ATL2: variants seen among roughly 807,000 people sequenced by gnomAD.
The protein encoded by ATL2 is atlastin-2.
Under a neutral mutation model 73.9 loss-of-function variants are expected in ATL2, and 31 were observed. The observed-to-expected ratio is 0.42, with a 90% CI of 0.32 to 0.57. The LOEUF (loss-of-function observed/expected upper bound fraction) is 0.57, where lower values mean the gene tolerates loss of function less well. Ranked by LOEUF, ATL2 falls within the 20% of genes least tolerant of loss-of-function variation. The pLI, the probability that ATL2 is intolerant of heterozygous loss-of-function variation, is 0.14. For synonymous variants in ATL2, 291 were observed against 237.5 expected, an observed-to-expected ratio of 1.23 and a Z score of -2.07; for missense variants, 738 against 702.6, an observed-to-expected ratio of 1.05 and a Z score of -0.57.
At chr2:38,354,236 T>C (rs146935739) in intron 1 of ATL2, 63 of 361,980 alleles carry the variant, frequency 1.7e-4, no homozygotes, top group African/African-American at 1.3e-3. Context: ...ACATGAGAGC[T>C]ATATAATGTT....
chr2:38,309,602 C>T (rs1667637819), intron 8 of ATL2, 96 bp from the exon 9 acceptor site: 2 of 1,234,734 alleles, frequency 1.6e-6, no homozygotes, highest in South Asian at 1.4e-5. Context: ...AATAAGAATA[C>T]ATAGTATCTA....
intron 1 of ATL2, among the ~76,000 whole-genome samples, chr2:38,365,470 C>G (rs542229703): frequency 5.4e-4 from 82 of 152,170 alleles, no homozygotes; most frequent in African/African-American, 2.0e-3. Context: ...GCCTTGGCAA[C>G]ATGGTGAAAC....
chr2:38,345,887 C>T (rs1558435390), intron 1 of ATL2, among the ~76,000 whole-genome samples: 1 of 152,194 alleles, frequency 6.6e-6, no homozygotes, highest in Non-Finnish European at 1.5e-5. Context: ...CATAGCATTA[C>T]CTAACTCATA....
intron 1 of ATL2, chr2:38,376,231 T>A (rs1671955859): frequency 3.4e-6 from 5 of 1,471,992 alleles, no homozygotes; most frequent in Non-Finnish European, 4.5e-6. Context: ...CAGTGAGAGA[T>A]CAAACGCTAA....
intron 9 of ATL2, among the ~76,000 whole-genome samples, chr2:38,305,683 C>T (rs1164600813): frequency 6.6e-6 from 1 of 151,786 alleles, no homozygotes; most frequent in Non-Finnish European, 1.5e-5. Flanking sequence ...TCTTGAATGA[C>T]CACTAGATCA....
At chr2:38,375,522 C>A (rs1671910021) in intron 1 of ATL2, among the ~76,000 whole-genome samples, 1 of 152,062 alleles carries the variant, frequency 6.6e-6, no homozygotes, top group South Asian at 2.1e-4. Context: ...CTCAAGATAC[C>A]ACAGCACAAC....
intron 9 of ATL2, among the ~76,000 whole-genome samples, chr2:38,303,771 G>C (rs1291670116): frequency 1.3e-5 from 2 of 152,122 alleles, no homozygotes; most frequent in East Asian, 3.9e-4. Flanking sequence ...AGAACACCAA[G>C]CAGACTTGAC....
In ATL2 at chr2:38,314,628, T is replaced by A; in HGVS notation, c.691A>T (p.Ile231Phe). The A allele has an allele frequency of 1.2e-6, 2 of 1,600,720 alleles. No homozygotes were observed. The highest frequency in any genetic ancestry group is 2.2e-5 in the South Asian group (2 of 90,638). Residue 231 changes from isoleucine (I) to phenylalanine (F), a missense_variant, in exon 6 of 13, where the codon ATC (isoleucine) becomes TTC (phenylalanine). Physicochemically the swap from Ile to Phe is conservative, Grantham distance 21 (BLOSUM62 0). Transcript: ENST00000378954. The stretch of plus-strand genomic sequence containing the variant: ...TTTACCTGAAATGGTTTCTGGTAGA[T>A]TTCTTCCATCGCAAGTCTTCCATAC... ...TEYGRLAMEEIYQKPFQTLMF... is the reference protein window; with the variant it reads ...TEYGRLAMEEFYQKPFQTLMF...
chr2:38,316,931 A>G (rs1260869108), intron 4 of ATL2, among the ~76,000 whole-genome samples: 6 of 152,084 alleles, frequency 3.9e-5, no homozygotes, highest in Non-Finnish European at 8.8e-5. Context: ...AAGATCAGAG[A>G]AAAAAAGAGA....
At chr2:38,298,068 G>A (rs2148398812) in intron 12 of ATL2, 76 bp downstream of exon 12, 2 of 1,391,456 alleles carry the variant, frequency 1.4e-6, no homozygotes, top group South Asian at 2.8e-5. Flanking sequence ...CAAAGTCGGA[G>A]TACAAATACT....
rs1023941762 is a variant in ATL2 at position 38,334,107 on chromosome 2, G to A, written c.363+9161C>T. 3.4e-4 allele frequency among the ~76,000 whole-genome samples: 48 copies of A among 142,256 alleles called. 1 individual carries two copies. The highest frequency in any genetic ancestry group is 2.0e-4 in the East Asian group (1 of 4,902). 93.3% of individuals were successfully genotyped at this position (142,256 alleles called of 152,430 possible). ...TACAGTGGCATGGTCTCAGCTCACT[G>A]CAACCTCTGCCTCCAGGGTTCAAGA... On this transcript the variant is annotated intron_variant, in intron 2 of 12. Coordinates refer to ENST00000378954, the MANE Select transcript of ATL2 (RefSeq NM_001135673.4).
intron 4 of ATL2, among the ~76,000 whole-genome samples, chr2:38,317,118 G>T (rs971793861): frequency 6.6e-6 from 1 of 152,070 alleles, no homozygotes; most frequent in African/African-American, 2.4e-5. Flanking sequence ...GGAGCTTAGA[G>T]AGACGAGTCA....
intron 1 of ATL2, among the ~76,000 whole-genome samples, chr2:38,367,168 G>C (rs957139855): frequency 2.6e-5 from 4 of 151,404 alleles, no homozygotes; most frequent in Non-Finnish European, 5.9e-5. Context: ...TTTTTTTTTA[G>C]GTTTTAAGAA....
chr2:38,341,685 C>A (rs11679271), intron 2 of ATL2, among the ~76,000 whole-genome samples: 1 of 151,922 alleles, frequency 6.6e-6, no homozygotes. Flanking sequence ...AAATGATGTA[C>A]CTTTCTCAAT....
At chr2:38,327,538 T>TACAAAAAAAAAAAAAAAACA (rs1668734632) in intron 2 of ATL2, among the ~76,000 whole-genome samples, 1 of 39,484 alleles carries the variant, frequency 2.5e-5, no homozygotes, top group Non-Finnish European at 4.9e-5. Flanking sequence ...AAAAAAAAAG[T>TACAAAAAAAAAAAAAAAACA]ACAAAAAAAA....
At chr2:38,350,701 A>C (rs927650982) in intron 1 of ATL2, among the ~76,000 whole-genome samples, 5 of 152,066 alleles carry the variant, frequency 3.3e-5, no homozygotes, top group Non-Finnish European at 7.4e-5. Context: ...GTGTATATGG[A>C]GTGGCAGGGA....
At chr2:38,315,560 GC>G (rs1412071198) in intron 4 of ATL2, among the ~76,000 whole-genome samples, 2 of 151,942 alleles carry the variant, frequency 1.3e-5, no homozygotes, top group Non-Finnish European at 2.9e-5. Context: ...TATGCAAAAA[GC>G]ATGAATATAT....
chr2:38,337,285 T>C (rs1014301100), intron 2 of ATL2, among the ~76,000 whole-genome samples: 4 of 151,438 alleles, frequency 2.6e-5, no homozygotes, highest in Non-Finnish European at 1.5e-5. Flanking sequence ...AGGAGTTCCA[T>C]ACCAGCCTAA....
chr2:38,339,642 T>C (rs757528069), intron 2 of ATL2, among the ~76,000 whole-genome samples: 1 of 152,256 alleles, frequency 6.6e-6, no homozygotes, highest in African/African-American at 2.4e-5. Context: ...AACAGTTAAA[T>C]GGATAAGCAA....
Sources: gnomAD v4.1 joint callset for allele counts (sites outside exome capture counted in the v4.1 genomes callset) on GRCh38, gnomAD v4.1.1 for gene constraint, MANE v1.5 for transcripts, NCBI Gene and HGNC (gene_info 2026-07-23, HGNC 2026-07-21) for gene names.